PAPPA2: variants seen among roughly 807,000 people sequenced by gnomAD.
PAPPA2 encodes pappalysin-2.
PAPPA2 carries 86 observed loss-of-function variants against 176.4 expected under a neutral mutation model. That is an observed-to-expected ratio of 0.49 (90% CI 0.41 to 0.58). The LOEUF (loss-of-function observed/expected upper bound fraction) is 0.58. Among genes scored for constraint, PAPPA2 ranks in the 20% least tolerant of loss-of-function variants. PAPPA2 has a pLI of 0.00. For synonymous variants in PAPPA2, 809 were observed against 852.2 expected, an observed-to-expected ratio of 0.95 and a Z score of 0.88; for missense variants, 2,073 against 2,256.9, an observed-to-expected ratio of 0.92 and a Z score of 1.65.
intron 2 of PAPPA2, among the ~76,000 whole-genome samples, chr1:176,580,019 A>G (rs992362908): frequency 6.6e-6 from 1 of 152,166 alleles, no homozygotes; most frequent in African/African-American, 2.4e-5. Flanking sequence ...GGAAAATTCA[A>G]TATCTTCTCT....
At chr1:176,712,651 A>G (rs561220335) in intron 12 of PAPPA2, among the ~76,000 whole-genome samples, 5 of 152,312 alleles carry the variant, frequency 3.3e-5, no homozygotes, top group Admixed American at 6.5e-5. Context: ...TCATTCTGCT[A>G]TAAGCATTTC....
intron 21 of PAPPA2, among the ~76,000 whole-genome samples, chr1:176,803,119 G>A (rs1665752783): frequency 6.6e-6 from 1 of 152,140 alleles, no homozygotes; most frequent in South Asian, 2.1e-4. Flanking sequence ...CTGCATATGG[G>A]CAAGGAATGG....
intron 12 of PAPPA2, among the ~76,000 whole-genome samples, chr1:176,735,857 G>T (rs531119181): frequency 1.5e-3 from 223 of 152,086 alleles, no homozygotes; most frequent in Non-Finnish European, 2.6e-3. Context: ...CCTCTATCAT[G>T]ATACCAATTC....
chr1:176,465,842 A>G (rs552931648), intron 1 of PAPPA2, among the ~76,000 whole-genome samples: 26 of 151,508 alleles, frequency 1.7e-4, no homozygotes, highest in African/African-American at 5.8e-4. Flanking sequence ...GTTCCCCTCT[A>G]TGTGTCATGT....
intron 4 of PAPPA2, among the ~76,000 whole-genome samples, chr1:176,673,219 G>A (rs543727756): frequency 3.3e-5 from 5 of 152,210 alleles, no homozygotes; most frequent in East Asian, 1.9e-4. Context: ...CAAGATGGTC[G>A]GGTAAACTGG....
At chr1:176,743,435 T>C (rs1179791060) in intron 14 of PAPPA2, among the ~76,000 whole-genome samples, 2 of 152,150 alleles carry the variant, frequency 1.3e-5, no homozygotes, top group African/African-American at 4.8e-5. Flanking sequence ...AAGTTTAGTT[T>C]TCCTGATTTT....
chr1:176,712,308 C>T (rs1661183705), intron 12 of PAPPA2, among the ~76,000 whole-genome samples: 1 of 152,098 alleles, frequency 6.6e-6, no homozygotes, highest in Non-Finnish European at 1.5e-5. Context: ...ACATTCACAT[C>T]ACTGCCCCCC....
At chr1:176,686,291 T>G (rs1659835344) in intron 4 of PAPPA2, among the ~76,000 whole-genome samples, 1 of 152,176 alleles carries the variant, frequency 6.6e-6, no homozygotes, top group Admixed American at 6.6e-5. Context: ...GGAAGATACC[T>G]CTTCACAGTG....
chr1:176,618,443 A>G (rs1042570141), intron 3 of PAPPA2, among the ~76,000 whole-genome samples: 13 of 152,226 alleles, frequency 8.5e-5, no homozygotes, highest in Admixed American at 1.3e-4. Flanking sequence ...AACCACTCAA[A>G]TGAACTGAGA....
intron 1 of PAPPA2, among the ~76,000 whole-genome samples, chr1:176,547,940 T>C (rs1158241067): frequency 6.6e-6 from 1 of 152,208 alleles, no homozygotes. Flanking sequence ...ACATGTAACA[T>C]GTACGAAAAA....
At chr1:176,658,585 T>C (rs902535987) in intron 3 of PAPPA2, among the ~76,000 whole-genome samples, 2 of 151,638 alleles carry the variant, frequency 1.3e-5, no homozygotes, top group Non-Finnish European at 2.9e-5. Flanking sequence ...ATGGAAGAGG[T>C]GTTATAGAAA....
At chr1:176,842,023 A>G (rs1001722703) in intron 22 of PAPPA2, among the ~76,000 whole-genome samples, 3 of 152,206 alleles carry the variant, frequency 2.0e-5, no homozygotes, top group African/African-American at 7.2e-5. Flanking sequence ...CAGTAAGAGC[A>G]GTATTTTTAG....
intron 4 of PAPPA2, among the ~76,000 whole-genome samples, chr1:176,677,265 A>G (rs1389017661): frequency 6.6e-6 from 1 of 152,184 alleles, no homozygotes; most frequent in East Asian, 1.9e-4. Flanking sequence ...TGTTTGTGTC[A>G]GCATGTAAAG....
chr1:176,678,894 A>C (rs183702281), intron 4 of PAPPA2, among the ~76,000 whole-genome samples: 58 of 152,306 alleles, frequency 3.8e-4, no homozygotes, highest in Admixed American at 2.4e-3. Flanking sequence ...AAATATATAC[A>C]GAATGTATCT....
intron 6 of PAPPA2, among the ~76,000 whole-genome samples, chr1:176,693,309 A>T (rs1487546919): frequency 1.3e-5 from 2 of 152,256 alleles, no homozygotes; most frequent in African/African-American, 4.8e-5. Flanking sequence ...TAAATAAGTG[A>T]GAATTCTGAG....
intron 5 of PAPPA2, chr1:176,690,715 C>T (rs1016981735): frequency 1.7e-5 from 21 of 1,224,144 alleles, no homozygotes; most frequent in Non-Finnish European, 2.0e-5. Context: ...CAAAAGCCCT[C>T]TTGTGATCCC....
intron 1 of PAPPA2, among the ~76,000 whole-genome samples, chr1:176,479,786 T>C (rs1652304438): frequency 6.6e-6 from 1 of 152,192 alleles, no homozygotes; most frequent in South Asian, 2.1e-4. Context: ...GAAATTCCCT[T>C]CTCCAAGCAC....
intron 2 of PAPPA2, among the ~76,000 whole-genome samples, chr1:176,575,754 T>G (rs1395892191): frequency 6.6e-6 from 1 of 152,234 alleles, no homozygotes; most frequent in Non-Finnish European, 1.5e-5. Context: ...GATATATCAT[T>G]AGTTTTATTC....
At chr1:176,503,486 G>T (rs1216335679) in intron 1 of PAPPA2, among the ~76,000 whole-genome samples, 1 of 152,078 alleles carries the variant, frequency 6.6e-6, no homozygotes, top group East Asian at 1.9e-4. Flanking sequence ...AGACATCTTT[G>T]GGTGGCCATT....
Sources: allele counts gnomAD v4.1 joint callset (sites outside exome capture counted in the v4.1 genomes callset), GRCh38; gene constraint gnomAD v4.1.1; transcripts MANE v1.5; gene names NCBI Gene and HGNC (gene_info 2026-07-23, HGNC 2026-07-21).